Variants in BICRAL observed in about 807,000 individuals in gnomAD.
BICRAL encodes BRD4-interacting chromatin-remodeling complex-associated protein-like.
BICRAL carries 8 observed loss-of-function variants against 91.8 expected under a neutral mutation model. The observed-to-expected ratio is 0.09, with a 90% CI of 0.05 to 0.16. The LOEUF (loss-of-function observed/expected upper bound fraction) is 0.16, where lower values mean the gene tolerates loss of function less well. Among genes scored for constraint, BICRAL ranks in the 10% least tolerant of loss-of-function variants. The pLI, the probability that BICRAL is intolerant of heterozygous loss-of-function variation, is 1.00. For synonymous variants in BICRAL, 445 were observed against 491.1 expected, an observed-to-expected ratio of 0.91 and a Z score of 1.24; for missense variants, 1,038 against 1,310.9, an observed-to-expected ratio of 0.79 and a Z score of 3.21.
chr6:42,823,515 C>T (rs1764203058), intron 5 of BICRAL, among the ~76,000 whole-genome samples: 1 of 152,172 alleles, frequency 6.6e-6, no homozygotes, highest in Non-Finnish European at 1.5e-5. Context: ...TGGCCAGGTA[C>T]AGTAGCTCAC....
At chr6:42,779,640 A>G (rs567845602), upstream of BICRAL, among the ~76,000 whole-genome samples, 1 of 152,348 alleles carries the variant, frequency 6.6e-6, no homozygotes, top group South Asian at 2.1e-4. Flanking sequence ...GAATGATAGA[A>G]TGGCAGTACC....
chr6:42,787,704 T>TG (rs1763140381), intron 1 of BICRAL, among the ~76,000 whole-genome samples: 1 of 152,136 alleles, frequency 6.6e-6, no homozygotes. Flanking sequence ...GAGAAATGTC[T>TG]ATTTGGATTT....
chr6:42,856,051 G>A, intron 9 of BICRAL, 134 bp downstream of exon 9: 1 of 751,818 alleles, frequency 1.3e-6, no homozygotes, highest in Non-Finnish European at 2.3e-6. Context: ...TTGAGGCAAG[G>A]CATGGTGACT....
At chr6:42,824,245 AT>A (rs1177836489) in intron 5 of BICRAL, among the ~76,000 whole-genome samples, 4 of 130,552 alleles carry the variant, frequency 3.1e-5, no homozygotes, top group African/African-American at 8.6e-5. Context: ...AATAAAAAAA[AT>A]AAAAATAAAT....
chr6:42,831,005 A>G (rs959365800), intron 6 of BICRAL, among the ~76,000 whole-genome samples: 12 of 152,206 alleles, frequency 7.9e-5, no homozygotes, highest in African/African-American at 2.9e-4. Flanking sequence ...TGACATGGAA[A>G]AAGTTAACTT....
intron 1 of BICRAL, among the ~76,000 whole-genome samples, chr6:42,776,380 C>T (rs1762807190): frequency 6.6e-6 from 1 of 151,408 alleles, no homozygotes; most frequent in South Asian, 2.1e-4. Context: ...CAGGGTCTTG[C>T]TCTGTCGCCC....
At chr6:42,832,407 ATG>A (rs1028786862) in intron 6 of BICRAL, among the ~76,000 whole-genome samples, 1 of 147,306 alleles carries the variant, frequency 6.8e-6, no homozygotes, top group Non-Finnish European at 1.5e-5. Flanking sequence ...ATACATATAT[ATG>A]TATATATATA....
In BICRAL at chr6:42,829,237, C is replaced by A. The variant is rs769912983; in HGVS notation, c.904C>A (p.Leu302Ile). 1.2e-6 allele frequency: 2 copies of A among 1,614,016 alleles called. No individual in the cohort carries two copies. The highest frequency in any genetic ancestry group is 2.2e-5 in the East Asian group (1 of 44,898). ...PVHNIIIQRG[L>I]APNSNKVPIN... is the part of the protein sequence containing the mutation. ...GCATAACATCATCATACAAAGGGGT[C>A]TTGCACCAAATTCAAATAAAGTCCC... Residue 302 changes from leucine (L) to isoleucine (I), a missense_variant, in exon 6 of 13, where the codon CTT becomes ATT. This residue lies in a region of BICRAL where 532 missense variants were observed against 724.9 expected (regional missense o/e 0.73). Transcript: ENST00000314073.
At chr6:42,806,686 T>C (rs953945910) in intron 1 of BICRAL, among the ~76,000 whole-genome samples, 7 of 151,898 alleles carry the variant, frequency 4.6e-5, no homozygotes, top group African/African-American at 1.7e-4. Flanking sequence ...CTAATTTTTA[T>C]ATTTTTTTAG....
intron 1 of BICRAL, among the ~76,000 whole-genome samples, chr6:42,748,369 T>G (rs1762323806): frequency 6.6e-6 from 1 of 152,210 alleles, no homozygotes. Context: ...GAAGGTTTAT[T>G]GGACTTGGAG....
chr6:42,852,393 G>A, intron 7 of BICRAL, 196 bp downstream of exon 7: 1 of 676,240 alleles, frequency 1.5e-6, no homozygotes, highest in Non-Finnish European at 2.7e-6. Flanking sequence ...CGGGCACGGT[G>A]GCTCACGCCT....
intron 6 of BICRAL, among the ~76,000 whole-genome samples, chr6:42,833,799 G>A (rs550703533): frequency 7.2e-5 from 11 of 151,986 alleles, no homozygotes; most frequent in African/African-American, 1.9e-4. Flanking sequence ...TTCCTCAGTC[G>A]TTCTTTGTCT....
chr6:42,781,372 CAA>C (rs773383486), upstream of BICRAL, among the ~76,000 whole-genome samples: 95 of 152,176 alleles, frequency 6.2e-4, no homozygotes, highest in Middle Eastern at 0.014. Context: ...TTGGAATGGA[CAA>C]AGAGTGTTGC....
At chr6:42,858,934 G>A (rs1765470341) in intron 10 of BICRAL, among the ~76,000 whole-genome samples, 1 of 152,100 alleles carries the variant, frequency 6.6e-6, no homozygotes, top group East Asian at 1.9e-4. Flanking sequence ...GCTAAGGCCT[G>A]GCTGTATCAG....
chr6:42,860,391 A>G (rs1363130558), intron 11 of BICRAL, 35 bp downstream of exon 11: 1 of 1,223,014 alleles, frequency 8.2e-7, no homozygotes, highest in Non-Finnish European at 1.2e-6. Flanking sequence ...GTTCTTTAAA[A>G]CTTTACAGGT....
chr6:42,763,471 T>C (rs1762585205), intron 1 of BICRAL, among the ~76,000 whole-genome samples: 1 of 152,230 alleles, frequency 6.6e-6, no homozygotes. Context: ...GGTTATCTTC[T>C]TTAGGTAGGA....
intron 1 of BICRAL, among the ~76,000 whole-genome samples, chr6:42,805,970 C>T (rs1193879350): frequency 6.7e-6 from 1 of 150,262 alleles, no homozygotes. Context: ...CCACTGCACT[C>T]CAGTCTGGGT....
At chr6:42,800,389 C>T (rs1194827233) in intron 1 of BICRAL, among the ~76,000 whole-genome samples, 1 of 152,064 alleles carries the variant, frequency 6.6e-6, no homozygotes, top group Non-Finnish European at 1.5e-5. Flanking sequence ...GTCTCCAACT[C>T]CTGACCTCAA....
chr6:42,769,001 A>T (rs73733747), intron 1 of BICRAL, among the ~76,000 whole-genome samples: 8,190 of 152,316 alleles, frequency 0.054, 734 homozygotes, highest in African/African-American at 0.19. Context: ...TCTGGACTTC[A>T]TGTTAACCCA....
Sources: allele counts gnomAD v4.1 joint callset (sites outside exome capture counted in the v4.1 genomes callset), GRCh38; gene constraint gnomAD v4.1.1; regional missense constraint gnomAD v4.1.1; transcripts MANE v1.5; gene names NCBI Gene and HGNC (gene_info 2026-07-23, HGNC 2026-07-21).